Variants in SLC35D4 observed in about 807,000 individuals in gnomAD.
SLC35D4 encodes the protein UDP-N-acetylglucosamine transporter SLC35D4.
chr18:23,267,087 C>G, the SLC35D4 span, among the ~76,000 whole-genome samples: 1 of 152,240 alleles, frequency 6.6e-6, no homozygotes, highest in Admixed American at 6.5e-5. Flanking sequence ...GAAGAAGGTG[C>G]TTGCCCTGCC....
chr18:23,313,062 G>A, the SLC35D4 span, among the ~76,000 whole-genome samples: 1 of 138,254 alleles, frequency 7.2e-6, no homozygotes, highest in African/African-American at 2.7e-5. Context: ...GGGAGAGGGA[G>A]CATGCAGTGA....
chr18:23,420,549 T>A, the SLC35D4 span, among the ~76,000 whole-genome samples: 1 of 151,962 alleles, frequency 6.6e-6, no homozygotes, highest in African/African-American at 2.4e-5. Context: ...ATTTTTCTTA[T>A]TATTTTTGTA....
chr18:23,311,991 G>C, the SLC35D4 span, among the ~76,000 whole-genome samples: 2 of 152,190 alleles, frequency 1.3e-5, no homozygotes, highest in Non-Finnish European at 2.9e-5. Flanking sequence ...GGCTGTGCTG[G>C]CAGCTCCGCA....
At chr18:23,272,323 T>C in the SLC35D4 span, among the ~76,000 whole-genome samples, 1 of 152,134 alleles carries the variant, frequency 6.6e-6, no homozygotes, top group Non-Finnish European at 1.5e-5. Flanking sequence ...CTTCCACCTG[T>C]AGTCCCAGCT....
At chr18:23,300,325 C>T in the SLC35D4 span, among the ~76,000 whole-genome samples, 4 of 152,136 alleles carry the variant, frequency 2.6e-5, no homozygotes, top group Admixed American at 1.3e-4. Flanking sequence ...TCACCACGAC[C>T]GGATGCAAGG....
the SLC35D4 span, chr18:23,377,687 G>C: frequency 1.3e-6 from 2 of 1,563,758 alleles, no homozygotes; most frequent in East Asian, 4.6e-5. Flanking sequence ...TAAAAGTAAA[G>C]AAACATACAA....
chr18:23,356,424 G>C, the SLC35D4 span, among the ~76,000 whole-genome samples: 3 of 152,130 alleles, frequency 2.0e-5, no homozygotes, highest in Non-Finnish European at 4.4e-5. This position sits in a 1 kb window ranked among gnomAD's most constrained non-coding sequence, Gnocchi z 4.1. Flanking sequence ...GAGCATCTAA[G>C]GGTGCTAAGT....
chr18:23,414,083 C>T, the SLC35D4 span, among the ~76,000 whole-genome samples: 2 of 149,780 alleles, frequency 1.3e-5, no homozygotes, highest in African/African-American at 2.5e-5. Context: ...GGCGAAACCC[C>T]GTCTCTACTG....
chr18:23,324,333 G>C, the SLC35D4 span, among the ~76,000 whole-genome samples: 4 of 152,148 alleles, frequency 2.6e-5, no homozygotes, highest in African/African-American at 9.7e-5. Flanking sequence ...TATTGTGTAA[G>C]CCACCCAGTC....
chr18:23,258,999 G>C, the SLC35D4 span: 7 of 124,858 alleles, frequency 5.6e-5, no homozygotes, highest in African/African-American at 2.4e-4. Context: ...TTTGGGTGGT[G>C]GGGGGAGGGA....
the SLC35D4 span, chr18:23,253,107 C>A: frequency 1.8e-6 from 2 of 1,111,674 alleles, no homozygotes; most frequent in South Asian, 2.5e-5. Context: ...TCCCTGCAAA[C>A]CCCTCTTTCC....
the SLC35D4 span, among the ~76,000 whole-genome samples, chr18:23,265,797 G>A: frequency 3.3e-5 from 5 of 151,784 alleles, no homozygotes; most frequent in East Asian, 1.9e-4. Flanking sequence ...ACACTCTGCC[G>A]GAACCACTTG....
the SLC35D4 span, among the ~76,000 whole-genome samples, chr18:23,311,777 ATTGT>A: frequency 6.6e-6 from 1 of 152,020 alleles, no homozygotes; most frequent in African/African-American, 2.4e-5. Flanking sequence ...AATATTTTAC[ATTGT>A]TTGTGCCTGT....
At chr18:23,373,631 G>C in the SLC35D4 span, 1 of 1,498,782 alleles carries the variant, frequency 6.7e-7, no homozygotes, top group Non-Finnish European at 9.3e-7. Context: ...CTAAAAGGAA[G>C]GACTAGGAAA....
At chr18:23,252,532 G>A in the SLC35D4 span, among the ~76,000 whole-genome samples, 2 of 152,178 alleles carry the variant, frequency 1.3e-5, no homozygotes, top group Non-Finnish European at 2.9e-5. Context: ...ACAGACATGG[G>A]ACTTGAGATT....
the SLC35D4 span, among the ~76,000 whole-genome samples, chr18:23,346,104 CA>C: frequency 1.3e-3 from 188 of 140,832 alleles, no homozygotes; most frequent in Middle Eastern, 3.6e-3. Flanking sequence ...CCCATCTCTA[CA>C]AAAAAAAAAA....
chr18:23,372,529 T>C, the SLC35D4 span, among the ~76,000 whole-genome samples: 1 of 152,234 alleles, frequency 6.6e-6, no homozygotes, highest in Non-Finnish European at 1.5e-5. Flanking sequence ...CTTTTGGGCC[T>C]CCTTATTCTA....
the SLC35D4 span, among the ~76,000 whole-genome samples, chr18:23,242,536 T>G: frequency 2.6e-5 from 4 of 152,222 alleles, no homozygotes; most frequent in Admixed American, 2.6e-4. Context: ...GGTAGTGGGT[T>G]TTTGTGTTTT....
the SLC35D4 span, among the ~76,000 whole-genome samples, chr18:23,268,395 T>C: frequency 6.6e-6 from 1 of 152,102 alleles, no homozygotes; most frequent in Non-Finnish European, 1.5e-5. Context: ...TTTGTCAAAG[T>C]GCGGTCTTAG....
Sources: gnomAD v4.1 joint callset for allele counts (sites outside exome capture counted in the v4.1 genomes callset) on GRCh38, gnomAD v4.1.1 for gene constraint, Gnocchi (gnomAD v3.1) non-coding constraint, MANE v1.5 for transcripts, NCBI Gene and HGNC (gene_info 2026-07-23, HGNC 2026-07-21) for gene names.